The following GRIK5 variants were observed in gnomAD, a reference collection of about 807,000 sequenced individuals.
The protein encoded by GRIK5 is glutamate receptor ionotropic, kainate 5.
A neutral mutation model predicts 97.4 loss-of-function variants in GRIK5; 43 were observed. The observed-to-expected ratio is 0.44, with a 90% CI of 0.35 to 0.57. The LOEUF is 0.57. GRIK5 is among the 20% of genes least tolerant of loss of function. The pLI is 0.01. For missense variants in GRIK5, 1,015 were observed against 1,382.0 expected (o/e 0.73, Z 4.21); for synonymous variants, 580 against 583.5 (o/e 0.99, Z 0.09).
At position 42,021,257 on chromosome 19, in the gene GRIK5, G is replaced by A. The variant is rs754959876; in HGVS notation, c.1871+44C>T. ...CCAACCCCATCCAGGCCTCAGATGG[G>A]TCCCTCCCTCGCCCCGGGCAGAGGC... On this transcript the variant is annotated intron_variant, in intron 15 of 19. Transcript: ENST00000593562. The surrounding 1 kb of genome is among the most constrained non-coding windows in gnomAD (Gnocchi z 4.2). 9 of 1,548,542 alleles carry A rather than the reference G, an allele frequency of 5.8e-6. 1 individual carries two copies. The South Asian group carries it at 1.1e-4, about 18-fold the overall frequency.
rs1434638258 is a variant in GRIK5, at chr19:42,065,408, G to C, written c.80-21C>G. The C allele has an allele frequency of 1.3e-6, 2 of 1,563,354 alleles. No individual in the cohort carries two copies. Among genetic ancestry groups the C allele is most frequent in the Non-Finnish European group, 1.7e-6 (2 of 1,153,090 alleles). Reference sequence around the variant, plus strand: ...TGCAGCTGAGGGGACACATGGGTTGGGGACCAGACTCCTGAGTCCTGAGGA... The same window carrying C: ...TGCAGCTGAGGGGACACATGGGTTGCGGACCAGACTCCTGAGTCCTGAGGA... On this transcript the variant is annotated intron_variant, in intron 2 of 19. Transcript: ENST00000593562. This position sits in a 1 kb window ranked among gnomAD's most constrained non-coding sequence, Gnocchi z 5.8.
Position 42,069,875 on chromosome 19 carries a change from G to T in GRIK5, c.-685C>A, listed in dbSNP as rs565330560. 1.8e-3 allele frequency among the ~76,000 whole-genome samples: 267 copies of T among 152,252 alleles called. 1 individual carries two copies. The Middle Eastern group carries it at 0.027, about 16-fold the overall frequency. ...GGGGAGAGCCCGGGAGTGGAGAGCT[G>T]GGGAGGATGGAGAGCTGGGAGACCC... On this transcript the variant is annotated 5_prime_UTR_variant, in exon 1 of 20. Coordinates refer to ENST00000593562, the MANE Select transcript of GRIK5 (RefSeq NM_002088.5).
At chr19:42,038,479 T>C (rs932940658) in intron 12 of GRIK5, among the ~76,000 whole-genome samples, 9 of 152,210 alleles carry the variant, frequency 5.9e-5, no homozygotes, top group African/African-American at 2.2e-4. Context: ...TCACTGTACA[T>C]TTGAGAAAAC....
At chr19:42,067,528 G>A (rs2076353394) in intron 1 of GRIK5, among the ~76,000 whole-genome samples, 1 of 152,186 alleles carries the variant, frequency 6.6e-6, no homozygotes, top group South Asian at 2.1e-4. Context: ...GGAGGAGTGT[G>A]AAGGGCGGAG....
chr19:42,068,461 G>T, intron 1 of GRIK5: 1 of 340,688 alleles, frequency 2.9e-6, no homozygotes, highest in Admixed American at 4.8e-5. Context: ...CATGGACCAC[G>T]GAGAGGTGGG....
At chr19:42,061,279 C>G (rs2146172544) in intron 5 of GRIK5, among the ~76,000 whole-genome samples, 1 of 152,216 alleles carries the variant, frequency 6.6e-6, no homozygotes, top group East Asian at 1.9e-4. Context: ...CTCCTGACCT[C>G]ATGATTCGCC....
chr19:42,042,818 T>A lies in GRIK5; in HGVS notation c.1270-63A>T, dbSNP rs568406707. The A allele has an allele frequency of 7.6e-7, 1 of 1,312,404 alleles. No individual in the cohort carries two copies. The highest frequency in any genetic ancestry group is 1.1e-6 in the Non-Finnish European group (1 of 928,670). 81.3% of individuals were successfully genotyped at this position (1,312,404 alleles called of 1,614,324 possible). A position where few individuals can be genotyped will look rare whatever the true frequency, so the allele number is the denominator to read the frequency against. The stretch of plus-strand genomic sequence containing the variant: ...TGTCTAGTGGCTGGGTTGCGGATCC[T>A]GGAGCCCGGACCAGGCAGGTAGAGC... On this transcript the variant is annotated intron_variant, in intron 11 of 19. Transcript: ENST00000593562. The surrounding 1 kb of genome is among the most constrained non-coding windows in gnomAD (Gnocchi z 6.9).
At chr19:42,016,987 C>T (rs1369005735) in intron 15 of GRIK5, among the ~76,000 whole-genome samples, 2 of 151,822 alleles carry the variant, frequency 1.3e-5, no homozygotes, top group Non-Finnish European at 2.9e-5. Context: ...CAGAAATGCA[C>T]CTCTTGTTTT....
At chr19:42,046,692 T>C (rs1456211028) in intron 11 of GRIK5, among the ~76,000 whole-genome samples, 3 of 152,120 alleles carry the variant, frequency 2.0e-5, no homozygotes, top group Non-Finnish European at 2.9e-5. Context: ...ACGTGTACAA[T>C]ATGCTACTCT....
At chr19:42,064,980 G>C (rs2076309847) in intron 3 of GRIK5, among the ~76,000 whole-genome samples, 2 of 152,208 alleles carry the variant, frequency 1.3e-5, no homozygotes, top group Non-Finnish European at 2.9e-5. Flanking sequence ...GGGATGATAG[G>C]GCTTATCTTT....
rs1201028450 is a variant in GRIK5 at position 42,062,745 on chromosome 19, C to T, written c.342+13G>A. ...GCTCCCCACAAAGCGCCGGCCCACA[C>T]TCCCCATCTCACCTCCTTCTCTCCA... On this transcript the variant is annotated intron_variant, in intron 4 of 19. Transcript: ENST00000593562. This position sits in a 1 kb window ranked among gnomAD's most constrained non-coding sequence, Gnocchi z 5.3. 3 of 1,612,754 alleles carry T rather than the reference C, an allele frequency of 1.9e-6. No individual in the cohort carries two copies. The East Asian group carries it at 6.7e-5, about 36-fold the overall frequency.
rs1345416015 is a variant in GRIK5 at position 42,006,793 on chromosome 19, A to G, written c.1889T>C (p.Ile630Thr). 9.3e-6 allele frequency: 15 copies of G among 1,608,096 alleles called. No individual in the cohort carries two copies. Among genetic ancestry groups the G allele is most frequent in the Non-Finnish European group, 1.0e-5 (12 of 1,176,642 alleles). The change falls in exon 16 of 20, where the codon ATC (isoleucine) becomes ACC (threonine). Residue 630 changes from isoleucine (I) to threonine (T), a missense_variant. Around this residue, in one of 5 missense-constraint regions of GRIK5, gnomAD observed 477 missense variants for 701.1 expected, o/e 0.68. Coordinates refer to ENST00000593562, the MANE Select transcript of GRIK5 (RefSeq NM_002088.5). The surrounding 1 kb of genome is among the most constrained non-coding windows in gnomAD (Gnocchi z 5.3). ...GTTGGCCGTGTAGGAGGAGATGATGATCAAGGTGAAGGCCCACCTGAAGGG... is the reference window on the plus strand; with the variant it reads ...GTTGGCCGTGTAGGAGGAGATGATGGTCAAGGTGAAGGCCCACCTGAAGGG... ...VSGVWWAFTLIIISSYTANLA... is the reference protein window; with the variant it reads ...VSGVWWAFTLTIISSYTANLA...
At chr19:42,001,991 G>T in intron 19 of GRIK5, 1 of 613,660 alleles carries the variant, frequency 1.6e-6, no homozygotes. Flanking sequence ...CCCAACGAGG[G>T]AGCCTGGGAA....
chr19:42,023,699 G>C (rs1248073302), intron 12 of GRIK5, among the ~76,000 whole-genome samples: 3 of 152,204 alleles, frequency 2.0e-5, no homozygotes, highest in Non-Finnish European at 4.4e-5. Context: ...TTGCTGGGCT[G>C]GGCAAGGACA....
At chr19:42,011,485 G>A (rs1472022915) in intron 15 of GRIK5, among the ~76,000 whole-genome samples, 2 of 151,474 alleles carry the variant, frequency 1.3e-5, no homozygotes, top group East Asian at 3.9e-4. Flanking sequence ...CCCGGGAGGC[G>A]GAGCTTGCAG....
At position 42,003,485 on chromosome 19, in the gene GRIK5, G is replaced by C. The variant is rs1383865946; in HGVS notation, c.2393-32C>G. 1 of 1,611,750 alleles carries C rather than the reference G, an allele frequency of 6.2e-7. No individual in the cohort carries two copies. Among genetic ancestry groups the C allele is most frequent in the Non-Finnish European group, 8.5e-7 (1 of 1,178,206 alleles). The stretch of plus-strand genomic sequence containing the variant: ...GGCGAAGGGAGTTGGGGGGCAAAGG[G>C]AGTTGGGGCTGTGTGGGAAGGGGGC... On this transcript the variant is annotated intron_variant, in intron 18 of 19. Coordinates refer to ENST00000593562, the MANE Select transcript of GRIK5 (RefSeq NM_002088.5). This position sits in a 1 kb window ranked among gnomAD's most constrained non-coding sequence, Gnocchi z 4.2.
chr19:42,055,975 G>GC (rs1438921992), intron 8 of GRIK5, among the ~76,000 whole-genome samples: 1 of 149,982 alleles, frequency 6.7e-6, no homozygotes, highest in Non-Finnish European at 1.5e-5. Flanking sequence ...AAGCCACCAT[G>GC]CCTGGCCAAT....
At chr19:42,053,982 G>A (rs2076149283) in intron 9 of GRIK5, 53 bp from the exon 10 acceptor site, 8 of 1,251,576 alleles carry the variant, frequency 6.4e-6, no homozygotes, top group South Asian at 2.4e-5. Context: ...CCAGAGATGG[G>A]CAGGGAAGGC....
At chr19:42,016,802 G>C (rs1402786612) in intron 15 of GRIK5, among the ~76,000 whole-genome samples, 1 of 152,176 alleles carries the variant, frequency 6.6e-6, no homozygotes, top group African/African-American at 2.4e-5. Context: ...GGCACCCTGG[G>C]AGGTGTTTGG....
Sources: allele counts gnomAD v4.1 joint callset (sites outside exome capture counted in the v4.1 genomes callset), GRCh38; gene constraint gnomAD v4.1.1; regional missense constraint gnomAD v4.1.1; non-coding constraint Gnocchi (gnomAD v3.1); transcripts MANE v1.5; gene names NCBI Gene and HGNC (gene_info 2026-07-23, HGNC 2026-07-21).